The following BICRAL variants were observed in gnomAD, a reference collection of about 807,000 sequenced individuals.
The protein encoded by BICRAL is BICRA like chromatin remodeling complex associated protein.
In BICRAL, 8 loss-of-function variants were observed where a neutral mutation model predicts 91.8. The observed-to-expected ratio is 0.09, with a 90% CI of 0.05 to 0.16. The LOEUF is 0.16. Ranked by LOEUF, BICRAL falls within the 10% of genes least tolerant of loss-of-function variation. BICRAL has a pLI of 1.00. For missense variants in BICRAL, 1,038 were observed against 1,310.9 expected, an observed-to-expected ratio of 0.79 and a Z score of 3.21; for synonymous variants, 445 against 491.1, an observed-to-expected ratio of 0.91 and a Z score of 1.24.
At chr6:42,776,302 G>C (rs1338451859) in intron 1 of BICRAL, among the ~76,000 whole-genome samples, 1 of 151,802 alleles carries the variant, frequency 6.6e-6, no homozygotes, top group Non-Finnish European at 1.5e-5. Context: ...CTCCCAAAGT[G>C]CTGGGATTAC....
Position 42,829,685 on chromosome 6 carries a change from T to C in BICRAL, c.1352T>C (p.Met451Thr). The C allele has an allele frequency of 6.2e-7, 1 of 1,614,206 alleles. No individual in the cohort carries two copies. Among genetic ancestry groups the C allele is most frequent in the African/African-American group, 1.3e-5 (1 of 75,058 alleles). Residue 451 changes from methionine (M) to threonine (T), a missense_variant, in exon 6 of 13, where the codon ATG (methionine) becomes ACG (threonine). By Grantham distance (81) the Met-to-Thr change is moderately conservative (BLOSUM62 -1). Coordinates refer to ENST00000314073, the MANE Select transcript of BICRAL (RefSeq NM_001393499.1). ...ATGTTGAACAGAAACTCTTCCAACA[T>C]GCTCAGGACCAACCAACCATATACT... ...HVMLNRNSSNMLRTNQPYTGP... is the reference protein window; with the variant it reads ...HVMLNRNSSNTLRTNQPYTGP...
At chr6:42,785,701 C>T (rs1002781149) in intron 1 of BICRAL, among the ~76,000 whole-genome samples, 6 of 152,096 alleles carry the variant, frequency 3.9e-5, no homozygotes, top group African/African-American at 1.2e-4. Flanking sequence ...GACATATCTT[C>T]TGGGTTTTGG....
upstream of BICRAL, among the ~76,000 whole-genome samples, chr6:42,778,784 C>T (rs1224772196): frequency 6.6e-6 from 1 of 151,880 alleles, no homozygotes; most frequent in Non-Finnish European, 1.5e-5. Flanking sequence ...AGTTCAAAAC[C>T]CAGGGGGCAA....
At chr6:42,764,184 G>A (rs1433890150) in intron 1 of BICRAL, among the ~76,000 whole-genome samples, 1 of 150,962 alleles carries the variant, frequency 6.6e-6, no homozygotes, top group Non-Finnish European at 1.5e-5. Flanking sequence ...AGAGGTTGCA[G>A]TGAGCCAAGA....
At chr6:42,845,124 T>C (rs939454793) in intron 6 of BICRAL, among the ~76,000 whole-genome samples, 2 of 150,968 alleles carry the variant, frequency 1.3e-5, no homozygotes, top group Non-Finnish European at 2.9e-5. Flanking sequence ...GTGTGTTTCT[T>C]GGATGGTAAA....
intron 1 of BICRAL, among the ~76,000 whole-genome samples, chr6:42,761,252 C>T (rs976696430): frequency 6.6e-6 from 1 of 151,828 alleles, no homozygotes; most frequent in African/African-American, 2.4e-5. Flanking sequence ...GCCAGGAGTT[C>T]AAGACCAGCC....
At chr6:42,804,461 T>A (rs1371637201) in intron 1 of BICRAL, among the ~76,000 whole-genome samples, 2 of 152,214 alleles carry the variant, frequency 1.3e-5, no homozygotes, top group Admixed American at 1.3e-4. Context: ...AATAAGTGAA[T>A]AATGAATTTT....
rs771664411 is a variant in BICRAL, at chr6:42,830,019, A to G, written c.1686A>G (p.Ser562=). The change falls in exon 6 of 13, where the codon TCA becomes TCG. Residue 562 remains serine, a synonymous_variant. Transcript: ENST00000314073. ...SLGSAVQSGS[S]GSNFTGDQLT... is the part of the protein sequence containing the mutation. ...GGTCTGCAGTTCAGTCTGGTTCATC[A>G]GGATCAAACTTTACAGGAGATCAGC... 6.2e-7 allele frequency: 1 copy of G among 1,614,174 alleles called. No individual in the cohort carries two copies. Among genetic ancestry groups the G allele is most frequent in the South Asian group, 1.1e-5 (1 of 91,088 alleles).
chr6:42,810,280 G>A lies in BICRAL; in HGVS notation c.-101-26G>A, dbSNP rs559065612. On this transcript the variant is annotated intron_variant, in intron 1 of 12. Transcript: ENST00000314073. ...TTTCTCCCCAAATGGATATAATTGT[G>A]AAAATATTGTCATGTTTTCTTCTAG... The A allele has an allele frequency of 2.6e-5, 4 of 152,224 alleles. No individual in the cohort carries two copies. In the East Asian group the frequency reaches 7.7e-4, roughly 29 times the overall value. 9.4% of individuals were successfully genotyped at this position (152,224 alleles called of 1,614,324 possible).
chr6:42,828,520 G>T lies in BICRAL; in HGVS notation c.187G>T (p.Gly63Cys). 1.9e-6 allele frequency: 3 copies of T among 1,613,628 alleles called. No homozygotes were observed. Among genetic ancestry groups the T allele is most frequent in the South Asian group, 2.2e-5 (2 of 91,052 alleles). ...TGCTGATCCTAAGTCATCCCTCAAA[G>T]GTGTAAGCAACCAGCTTGGAGAAGG... is the stretch of plus-strand genomic sequence containing the variant. ...SNADPKSSLK[G>C]VSNQLGEGPS... Residue 63 changes from glycine (G) to cysteine (C), a missense_variant, in exon 6 of 13, where the codon GGT becomes TGT. By Grantham distance (159) the Gly-to-Cys change is radical. This residue lies in a region of BICRAL where 115 missense variants were observed against 121.5 expected (regional missense o/e 0.95). Coordinates refer to ENST00000314073, the MANE Select transcript of BICRAL (RefSeq NM_001393499.1).
In BICRAL at chr6:42,828,465, C is replaced by T. The variant is rs28393111; in HGVS notation, c.160-28C>T. On this transcript the variant is annotated intron_variant, in intron 5 of 12. Transcript: ENST00000314073. The stretch of plus-strand genomic sequence containing the variant: ...GCATCCTTTTCAAAGGTTACATATG[C>T]CATGTAACATACTGTTTATTTTTTT... The T allele has an allele frequency of 1.5e-3, 2,280 of 1,552,058 alleles. 11 individuals are homozygous for T. In the African/African-American group the frequency reaches 0.022, roughly 15 times the overall value.
At chr6:42,817,528 T>C (rs1166558476) in intron 2 of BICRAL, among the ~76,000 whole-genome samples, 1 of 151,364 alleles carries the variant, frequency 6.6e-6, no homozygotes, top group Non-Finnish European at 1.5e-5. Context: ...TTGGCTGGAG[T>C]GCAGTGGTGT....
chr6:42,767,580 A>G (rs1304893763), intron 1 of BICRAL, among the ~76,000 whole-genome samples: 1 of 152,218 alleles, frequency 6.6e-6, no homozygotes, highest in Non-Finnish European at 1.5e-5. Context: ...GTGGCTTGAT[A>G]TGGTAAAGAC....
At chr6:42,857,612 A>ATATATAT (rs1471429375) in intron 10 of BICRAL, among the ~76,000 whole-genome samples, 7 of 97,000 alleles carry the variant, frequency 7.2e-5, no homozygotes, top group African/African-American at 4.9e-4. Context: ...AAAAAAAAAA[A>ATATATAT]AAATATATAT....
chr6:42,837,790 T>A (rs902173550), intron 6 of BICRAL, among the ~76,000 whole-genome samples: 1 of 151,260 alleles, frequency 6.6e-6, no homozygotes, highest in Non-Finnish European at 1.5e-5. Context: ...TACAGAAAGA[T>A]GTGTACTACA....
intron 1 of BICRAL, among the ~76,000 whole-genome samples, chr6:42,756,377 C>G (rs541559453): frequency 6.6e-6 from 1 of 152,222 alleles, no homozygotes; most frequent in African/African-American, 2.4e-5. Flanking sequence ...GTGTCCATCC[C>G]TTAAATATAA....
chr6:42,845,205 T>C (rs1220526913), intron 6 of BICRAL, among the ~76,000 whole-genome samples: 1 of 29,136 alleles, frequency 3.4e-5, no homozygotes, highest in East Asian at 8.8e-4. Flanking sequence ...GTTTTTTTTT[T>C]TTTTTTTTTT....
At chr6:42,800,808 G>GT (rs1205029821) in intron 1 of BICRAL, among the ~76,000 whole-genome samples, 1 of 152,096 alleles carries the variant, frequency 6.6e-6, no homozygotes, top group Non-Finnish European at 1.5e-5. Flanking sequence ...ATGGAATTTT[G>GT]TTTGTTAACA....
chr6:42,848,925 G>T (rs576536677), intron 6 of BICRAL, among the ~76,000 whole-genome samples: 29 of 152,244 alleles, frequency 1.9e-4, no homozygotes, highest in Non-Finnish European at 3.8e-4. Flanking sequence ...CCACCATATG[G>T]GGAACTTCCC....
Sources: allele counts gnomAD v4.1 joint callset (sites outside exome capture counted in the v4.1 genomes callset), GRCh38; gene constraint gnomAD v4.1.1; regional missense constraint gnomAD v4.1.1; transcripts MANE v1.5; gene names NCBI Gene and HGNC (gene_info 2026-07-23, HGNC 2026-07-21).